FSTL5: variants seen among roughly 807,000 people sequenced by gnomAD.
FSTL5 encodes the protein follistatin like 5, also known as follistatin-related protein 5.
A neutral mutation model predicts 89.1 loss-of-function variants in FSTL5; 62 were observed. That is an observed-to-expected ratio of 0.70 (90% CI 0.57 to 0.86). The LOEUF (loss-of-function observed/expected upper bound fraction) is 0.86, where lower values mean the gene tolerates loss of function less well. Among genes scored for constraint, FSTL5 ranks in the 40% least tolerant of loss-of-function variants. The pLI is 0.00. For missense variants in FSTL5, 1,057 were observed against 1,001.6 expected (o/e 1.06, Z -0.75); for synonymous variants, 383 against 346.2 (o/e 1.11, Z -1.18).
chr4:161,754,400 G>A (rs903297248), intron 6 of FSTL5, among the ~76,000 whole-genome samples: 2 of 152,022 alleles, frequency 1.3e-5, no homozygotes, highest in African/African-American at 4.8e-5. Context: ...ATATGTATAT[G>A]GTTTTGGGAG....
intron 8 of FSTL5, among the ~76,000 whole-genome samples, chr4:161,585,587 TAAA>T (rs34372995): frequency 1.9e-5 from 2 of 102,704 alleles, no homozygotes; most frequent in African/African-American, 3.5e-5. Context: ...TCCCTAATGC[TAAA>T]AAAAAAAAAA....
intron 3 of FSTL5, among the ~76,000 whole-genome samples, chr4:162,009,022 A>C (rs1736687949): frequency 6.6e-6 from 1 of 152,224 alleles, no homozygotes; most frequent in East Asian, 1.9e-4. Flanking sequence ...GATTGACATA[A>C]GTTCCTAACG....
chr4:161,657,563 A>G (rs1736561518), intron 6 of FSTL5, among the ~76,000 whole-genome samples: 2 of 152,148 alleles, frequency 1.3e-5, no homozygotes, highest in South Asian at 4.1e-4. Context: ...ATCATGTGCA[A>G]TGGCTGCATT....
chr4:161,440,577 C>T (rs774793519), intron 15 of FSTL5, among the ~76,000 whole-genome samples: 2 of 152,168 alleles, frequency 1.3e-5, no homozygotes, highest in Non-Finnish European at 2.9e-5. Context: ...TTGCTCTCCT[C>T]ATGCTTTCCT....
At chr4:161,963,814 T>C (rs1439265057) in intron 3 of FSTL5, among the ~76,000 whole-genome samples, 1 of 151,988 alleles carries the variant, frequency 6.6e-6, no homozygotes, top group Non-Finnish European at 1.5e-5. Flanking sequence ...TCTTTCCTGC[T>C]CATGCTTGAT....
intron 1 of FSTL5, among the ~76,000 whole-genome samples, chr4:162,148,540 AT>A (rs1477141276): frequency 6.6e-6 from 1 of 152,162 alleles, no homozygotes. Flanking sequence ...ACACCTATTA[AT>A]TTAATTAGAA....
At chr4:161,489,173 T>C (rs566810635) in intron 12 of FSTL5, among the ~76,000 whole-genome samples, 1 of 152,246 alleles carries the variant, frequency 6.6e-6, no homozygotes, top group African/African-American at 2.4e-5. Context: ...AAAAACCAAA[T>C]TCTAGATGCT....
chr4:161,818,292 C>G (rs1363681916), intron 4 of FSTL5, among the ~76,000 whole-genome samples: 2 of 152,194 alleles, frequency 1.3e-5, no homozygotes, highest in Non-Finnish European at 2.9e-5. Context: ...TTCCGGCTCC[C>G]CCACCTGCTG....
chr4:161,975,079 C>T lies in FSTL5; in HGVS notation c.161-54427G>A, dbSNP rs542578408. 6.5e-3 allele frequency among the ~76,000 whole-genome samples: 886 copies of T among 136,890 alleles called. 6 individuals are homozygous for T. The highest frequency in any genetic ancestry group is 0.028 in the Middle Eastern group (8 of 286). The allele number at this position is 136,890 out of a possible 152,430, so 89.8% of individuals were successfully genotyped here. ...TACCATCTCACACCAGTTAGAATGG[C>T]AATCATTAAAAAGTCAGGAAACAAC... On this transcript the variant is annotated intron_variant, in intron 3 of 15. Coordinates refer to ENST00000306100, the MANE Select transcript of FSTL5 (RefSeq NM_020116.5).
chr4:161,524,888 G>A (rs1486208818), intron 10 of FSTL5, among the ~76,000 whole-genome samples: 1 of 151,832 alleles, frequency 6.6e-6, no homozygotes, highest in Non-Finnish European at 1.5e-5. Context: ...AACCTGGGAG[G>A]GGGAGGTTGC....
At chr4:161,895,425 C>T (rs1026840512) in intron 4 of FSTL5, among the ~76,000 whole-genome samples, 5 of 152,102 alleles carry the variant, frequency 3.3e-5, no homozygotes, top group Admixed American at 3.3e-4. Context: ...ACTTGCCTCG[C>T]TGTTAGTAAA....
At chr4:161,949,072 A>G (rs1468492037) in intron 3 of FSTL5, among the ~76,000 whole-genome samples, 2 of 152,132 alleles carry the variant, frequency 1.3e-5, no homozygotes, top group East Asian at 1.9e-4. Flanking sequence ...GGGAGGTTCT[A>G]GGGGAGAATC....
At chr4:161,742,915 C>T (rs545127567) in intron 6 of FSTL5, among the ~76,000 whole-genome samples, 17 of 151,850 alleles carry the variant, frequency 1.1e-4, no homozygotes, top group Non-Finnish European at 2.1e-4. Flanking sequence ...TGCAGATATT[C>T]GTATATCTTT....
intron 8 of FSTL5, among the ~76,000 whole-genome samples, chr4:161,571,939 C>A (rs1011730436): frequency 6.6e-6 from 1 of 152,116 alleles, no homozygotes; most frequent in Non-Finnish European, 1.5e-5. Flanking sequence ...GATCTTGTGA[C>A]AAAATTAGGC....
chr4:161,784,658 G>A (rs1303596925), intron 4 of FSTL5, among the ~76,000 whole-genome samples: 2 of 151,994 alleles, frequency 1.3e-5, no homozygotes, highest in African/African-American at 4.8e-5. Context: ...ACTTTGGAAG[G>A]CGGAGGCGGG....
intron 4 of FSTL5, among the ~76,000 whole-genome samples, chr4:161,894,463 T>C (rs1040935666): frequency 6.6e-5 from 10 of 152,150 alleles, no homozygotes; most frequent in African/African-American, 2.4e-4. Context: ...TACAGATGTT[T>C]CTTTCTCTAT....
intron 4 of FSTL5, among the ~76,000 whole-genome samples, chr4:161,791,408 A>T (rs917989330): frequency 9.1e-5 from 1 of 10,976 alleles, no homozygotes; most frequent in East Asian, 3.0e-3. Context: ...ATTGAAACAA[A>T]ATTAATCTAT....
intron 4 of FSTL5, among the ~76,000 whole-genome samples, chr4:161,826,960 CTG>C (rs1355468598): frequency 6.6e-6 from 1 of 151,908 alleles, no homozygotes; most frequent in Non-Finnish European, 1.5e-5. Flanking sequence ...AATTTATTTA[CTG>C]TGTTTTTGTT....
At chr4:161,607,216 A>G (rs1169132551) in intron 7 of FSTL5, among the ~76,000 whole-genome samples, 1 of 152,184 alleles carries the variant, frequency 6.6e-6, no homozygotes, top group Non-Finnish European at 1.5e-5. Flanking sequence ...CATTATTATG[A>G]AAATGTAGAG....
Sources: allele counts gnomAD v4.1 joint callset (sites outside exome capture counted in the v4.1 genomes callset), GRCh38; gene constraint gnomAD v4.1.1; transcripts MANE v1.5; gene names NCBI Gene and HGNC (gene_info 2026-07-23, HGNC 2026-07-21).